The following FAM117A variants were observed in gnomAD, a reference collection of about 807,000 sequenced individuals.
FAM117A encodes the protein protein FAM117A.
A neutral mutation model predicts 44.1 loss-of-function variants in FAM117A; 21 were observed. That is an observed-to-expected ratio of 0.48 (90% CI 0.34 to 0.69). The LOEUF is 0.69. Ranked by LOEUF, FAM117A falls within the 30% of genes least tolerant of loss-of-function variation. The pLI is 0.01. For missense variants in FAM117A, 498 were observed against 589.9 expected (o/e 0.84, Z 1.61); for synonymous variants, 220 against 238.3 (o/e 0.92, Z 0.71).
chr17:49,718,933 C>T (rs1272285734), intron 5 of FAM117A, among the ~76,000 whole-genome samples: 9 of 144,384 alleles, frequency 6.2e-5, no homozygotes, highest in African/African-American at 1.3e-4. Flanking sequence ...GCCAAGATGG[C>T]GCCACCGCAC....
chr17:49,730,307 A>G (rs761632906), intron 2 of FAM117A, among the ~76,000 whole-genome samples: 1 of 152,094 alleles, frequency 6.6e-6, no homozygotes, highest in Non-Finnish European at 1.5e-5. Flanking sequence ...CTCATCGCTG[A>G]CCTCTGTCTT....
At chr17:49,721,775 G>A (rs752042801) in intron 3 of FAM117A, among the ~76,000 whole-genome samples, 1 of 152,126 alleles carries the variant, frequency 6.6e-6, no homozygotes, top group South Asian at 2.1e-4. Flanking sequence ...GGAGCATTTC[G>A]TTATTTTTCT....
Position 49,732,585 on chromosome 17 carries a change from G to T in FAM117A, c.332C>A (p.Ala111Asp), listed in dbSNP as rs1394137557. The T allele has an allele frequency of 3.7e-6, 6 of 1,614,132 alleles. No homozygotes were observed. The highest frequency in any genetic ancestry group is 5.1e-6 in the Non-Finnish European group (6 of 1,180,012). ...CTTGTCATTGGTGCAGCAGGTGAAG[G>T]CCCCATCAGCATCTCGTGGCCACTG... is the stretch of plus-strand genomic sequence containing the variant. ...LGQWPRDADG[A>D]FTCCTNDKAT... Residue 111 changes from alanine (A) to aspartate (D), a missense_variant, in exon 2 of 8, where the codon GCC becomes GAC. Coordinates refer to ENST00000240364, the MANE Select transcript of FAM117A (RefSeq NM_030802.4).
intron 1 of FAM117A, among the ~76,000 whole-genome samples, chr17:49,761,421 C>T: frequency 6.6e-6 from 1 of 152,218 alleles, no homozygotes; most frequent in East Asian, 1.9e-4. Context: ...ATAATATAAG[C>T]AGCAGCAAAC....
In FAM117A at chr17:49,774,809, T is replaced by C. The variant is rs1241268899; in HGVS notation, c.-621+13688A>G. Among the ~76,000 whole-genome samples the C allele has an allele frequency of 5.3e-5, 8 of 152,248 alleles. No homozygotes were observed. The East Asian group carries it at 1.5e-3, about 29-fold the overall frequency. ...TGCTAACGGTCCTGCAGGCTGATAG[T>C]GGGAAAGGCTCCAGATTTTGTGAGG... is the stretch of plus-strand genomic sequence containing the variant. On this transcript the variant is annotated intron_variant, in intron 1 of 7. Transcript: ENST00000513602.
chr17:49,716,047 A>T (rs1567825304), intron 7 of FAM117A, 118 bp downstream of exon 7: 1 of 1,127,928 alleles, frequency 8.9e-7, no homozygotes. Flanking sequence ...AAAGCTGGCA[A>T]TACTTATCAT....
intron 1 of FAM117A, among the ~76,000 whole-genome samples, chr17:49,762,817 G>C (rs1374680068): frequency 6.6e-6 from 1 of 152,180 alleles, no homozygotes; most frequent in East Asian, 1.9e-4. Flanking sequence ...ACCTCCTCAT[G>C]CAAGTAGGTT....
Position 49,711,131 on chromosome 17 carries a change from G to T in FAM117A, c.*124C>A. ...AGGACCCAGGGCTTTGACACAGTAA[G>T]TGAAAGAAAGTGCTCGAAGGCCGAG... is the stretch of plus-strand genomic sequence containing the variant. On this transcript the variant is annotated 3_prime_UTR_variant, in exon 8 of 8. Transcript: ENST00000240364. The T allele has an allele frequency of 1.1e-6, 1 of 939,904 alleles. No individual in the cohort carries two copies. The highest frequency in any genetic ancestry group is 1.5e-6 in the Non-Finnish European group (1 of 646,064). 58.2% of individuals were successfully genotyped at this position (939,904 alleles called of 1,614,324 possible).
chr17:49,727,969 C>T (rs1456697630), intron 2 of FAM117A, among the ~76,000 whole-genome samples: 1 of 152,220 alleles, frequency 6.6e-6, no homozygotes, highest in African/African-American at 2.4e-5. Flanking sequence ...GAATCAGTCC[C>T]TTAGGTCTCC....
At chr17:49,753,642 C>A (rs1437699309) in intron 1 of FAM117A, among the ~76,000 whole-genome samples, 4 of 152,056 alleles carry the variant, frequency 2.6e-5, no homozygotes, top group African/African-American at 9.7e-5. Flanking sequence ...ATGGTGAAAC[C>A]CCGTTTCTAT....
At chr17:49,780,194 C>T (rs967863367) in intron 1 of FAM117A, among the ~76,000 whole-genome samples, 2 of 152,172 alleles carry the variant, frequency 1.3e-5, no homozygotes, top group African/African-American at 2.4e-5. Flanking sequence ...CAGAGGAACC[C>T]GTTCCTAGCC....
chr17:49,765,311 C>T (rs1567837425), upstream of FAM117A, among the ~76,000 whole-genome samples: 2 of 152,128 alleles, frequency 1.3e-5, no homozygotes, highest in Non-Finnish European at 2.9e-5. Context: ...TTATATTTAG[C>T]TGTGAATTCT....
chr17:49,723,126 A>G (rs1248592007), intron 2 of FAM117A, among the ~76,000 whole-genome samples: 1 of 152,196 alleles, frequency 6.6e-6, no homozygotes, highest in African/African-American at 2.4e-5. Flanking sequence ...GGACTCCTGT[A>G]TGGTGCAGTG....
rs137932944 is a variant in FAM117A, at chr17:49,725,450, A to G, written c.367-2856T>C. 1.4e-4 allele frequency among the ~76,000 whole-genome samples: 22 copies of G among 152,368 alleles called. No homozygotes were observed. In the East Asian group the frequency reaches 3.3e-3, roughly 23 times the overall value. ...GTTTAAACAGTGATAAGTGCCAAGG[A>G]GAAAAATACAGCAAAGAAAAGGGAT... is the stretch of plus-strand genomic sequence containing the variant. On this transcript the variant is annotated intron_variant, in intron 2 of 7. Coordinates refer to ENST00000240364, the MANE Select transcript of FAM117A (RefSeq NM_030802.4).
chr17:49,718,428 GGAGGCT>G (rs2073515528), intron 5 of FAM117A, among the ~76,000 whole-genome samples: 1 of 152,164 alleles, frequency 6.6e-6, no homozygotes, highest in African/African-American at 2.4e-5. Context: ...CAGCACTTTG[GGAGGCT>G]GAGGCGGGCG....
intron 1 of FAM117A, among the ~76,000 whole-genome samples, chr17:49,750,798 C>T (rs996215574): frequency 7.2e-5 from 11 of 151,988 alleles, no homozygotes; most frequent in Admixed American, 2.0e-4. Context: ...AGCTATTACA[C>T]GAACAGGTAC....
intron 2 of FAM117A, chr17:49,732,308 G>C: frequency 3.0e-6 from 1 of 333,738 alleles, no homozygotes; most frequent in Non-Finnish European, 5.7e-6. Flanking sequence ...GGGAGGATGA[G>C]GCACGAGAAT....
chr17:49,722,303 G>A (rs779740285), intron 3 of FAM117A, among the ~76,000 whole-genome samples, 196 bp downstream of exon 3: 24 of 152,206 alleles, frequency 1.6e-4, no homozygotes, highest in Non-Finnish European at 3.4e-4. Context: ...TGCCTAGCAG[G>A]AGGGTCTGGG....
At chr17:49,716,027 T>C in intron 7 of FAM117A, 138 bp downstream of exon 7, 1 of 917,934 alleles carries the variant, frequency 1.1e-6, no homozygotes, top group Non-Finnish European at 1.6e-6. Flanking sequence ...GTCAACACGT[T>C]TGATCATGGA....
Sources: allele counts gnomAD v4.1 joint callset (sites outside exome capture counted in the v4.1 genomes callset), GRCh38; gene constraint gnomAD v4.1.1; transcripts MANE v1.5; gene names NCBI Gene and HGNC (gene_info 2026-07-23, HGNC 2026-07-21).